SPCS3: variants seen among roughly 807,000 people sequenced by gnomAD.
SPCS3 encodes SPase 22 kDa subunit.
SPCS3 carries 9 observed loss-of-function variants against 17.2 expected under a neutral mutation model. The ratio of observed to expected loss-of-function variants is 0.52; its 90% CI spans 0.31 to 0.91. SPCS3 has a LOEUF of 0.91. Ranked by LOEUF, SPCS3 falls within the 40% of genes least tolerant of loss-of-function variation. The probability of loss-of-function intolerance (pLI) is 0.04; values close to 1 mark genes in which losing one functional copy is unlikely to be tolerated. For missense variants in SPCS3, 139 were observed against 217.5 expected (o/e 0.64, Z 2.27); for synonymous variants, 87 against 89.6 (o/e 0.97, Z 0.16).
intron 2 of SPCS3, 103 bp downstream of exon 2, chr4:176,322,346 C>A: frequency 1.3e-6 from 1 of 748,472 alleles, no homozygotes; most frequent in East Asian, 2.8e-5. Flanking sequence ...ATTGAATCAG[C>A]CAAACCTTGG....
rs898145615 is a variant in SPCS3, at chr4:176,329,858, A to G, written c.*1528A>G. 6.6e-5 allele frequency: 10 copies of G among 152,208 alleles called. No homozygotes were observed. Among genetic ancestry groups the G allele is most frequent in the Admixed American group, 2.0e-4 (3 of 15,284 alleles). The allele number at this position is 152,208 out of a possible 1,614,324, so 9.4% of individuals were successfully genotyped here. On this transcript the variant is annotated 3_prime_UTR_variant, in exon 5 of 5. Transcript: ENST00000503362. ...TAAATTACAGACATTTGTTATATTT[A>G]CCTTATGTGAAATACATCACTATTT...
chr4:176,324,558 GATGGGCACATGCCTTCTACA>G (rs1731579294), intron 3 of SPCS3, among the ~76,000 whole-genome samples: 1 of 152,218 alleles, frequency 6.6e-6, no homozygotes, highest in Non-Finnish European at 1.5e-5. Context: ...AAGTCAGATA[GATGGGCACATGCCTTCTACA>G]ATATGCAGAT....
In SPCS3 at chr4:176,329,270, T is replaced by A. The variant is rs1417374345; in HGVS notation, c.*940T>A. 6.6e-6 allele frequency: 1 copy of A among 152,162 alleles called. No homozygotes were observed. Among genetic ancestry groups the A allele is most frequent in the African/African-American group, 2.4e-5 (1 of 41,464 alleles). 9.4% of individuals were successfully genotyped at this position (152,162 alleles called of 1,614,324 possible). On this transcript the variant is annotated 3_prime_UTR_variant, in exon 5 of 5. Coordinates refer to ENST00000503362, the MANE Select transcript of SPCS3 (RefSeq NM_021928.4). ...GTGTATGTCATCCTCAATAATCTAA[T>A]GAGGTAAGTAGTATAAGTGTTAGCT... is the stretch of plus-strand genomic sequence containing the variant.
At chr4:176,327,555 G>A (rs2127002082) in intron 4 of SPCS3, among the ~76,000 whole-genome samples, 1 of 152,280 alleles carries the variant, frequency 6.6e-6, no homozygotes, top group Non-Finnish European at 1.5e-5. Flanking sequence ...GTAGGGCTGT[G>A]GTGGTCAAAT....
intron 2 of SPCS3, among the ~76,000 whole-genome samples, chr4:176,323,913 A>T (rs1731570410): frequency 6.6e-6 from 1 of 151,330 alleles, no homozygotes; most frequent in African/African-American, 2.4e-5. Flanking sequence ...TTTTCTTACT[A>T]GTCAAAGTAT....
chr4:176,320,331 G>A, intron 1 of SPCS3, 112 bp downstream of exon 1: 2 of 1,055,870 alleles, frequency 1.9e-6, no homozygotes, highest in Non-Finnish European at 2.4e-6. Context: ...AGGGCGTCCG[G>A]ATCGCCCTCC....
At position 176,330,412 on chromosome 4, in the gene SPCS3, G is replaced by C. The variant is rs571868647; in HGVS notation, c.*2082G>C. 2.6e-5 allele frequency: 4 copies of C among 152,280 alleles called. No homozygotes were observed. The highest frequency in any genetic ancestry group is 1.9e-4 in the East Asian group (1 of 5,190). The allele number at this position is 152,280 out of a possible 1,614,324, so 9.4% of individuals were successfully genotyped here. A position where few individuals can be genotyped will look rare whatever the true frequency, so the allele number is the denominator to read the frequency against. Reference sequence around the variant, plus strand: ...GTTCATGATACTTCTGTGATGAGTGGATCTGTTAGTCTGGTAGAGATTAAT... The same window carrying C: ...GTTCATGATACTTCTGTGATGAGTGCATCTGTTAGTCTGGTAGAGATTAAT... On this transcript the variant is annotated 3_prime_UTR_variant, in exon 5 of 5. Transcript: ENST00000503362.
Position 176,332,005 on chromosome 4 carries a change from G to A in SPCS3, c.*3675G>A, listed in dbSNP as rs1731694336. Reference sequence around the variant, plus strand: ...TTCAGATTTATGCTTTTTACGTGAAGCTGCTAAACTAAAAGTAAATGGAAG... The same window carrying A: ...TTCAGATTTATGCTTTTTACGTGAAACTGCTAAACTAAAAGTAAATGGAAG... On this transcript the variant is annotated 3_prime_UTR_variant, in exon 5 of 5. Transcript: ENST00000503362. 1 of 152,188 alleles carries A rather than the reference G, an allele frequency of 6.6e-6. No individual in the cohort carries two copies. The allele number at this position is 152,188 out of a possible 1,614,324, so 9.4% of individuals were successfully genotyped here.
rs189459848 is a variant in SPCS3, at chr4:176,328,237, C to T, written c.450C>T (p.Val150=). Residue 150 remains valine (V), a synonymous_variant, in exon 5 of 5, where the codon GTC becomes GTT. Transcript: ENST00000503362. ...RNVTLTLSWN[V]VPNAGILPLV... ...TCACTTTGACCCTGTCTTGGAACGT[C>T]GTACCAAATGCTGGAATTCTACCTC... The T allele has an allele frequency of 1.6e-5, 26 of 1,613,152 alleles. No individual in the cohort carries two copies. In the East Asian group the frequency reaches 3.3e-4, roughly 21 times the overall value.
intron 4 of SPCS3, among the ~76,000 whole-genome samples, chr4:176,327,894 C>G (rs540211475): frequency 2.6e-5 from 4 of 152,306 alleles, no homozygotes; most frequent in African/African-American, 7.2e-5. Context: ...TGATTCTTAG[C>G]TCGTCTCTTT....
chr4:176,322,464 A>G (rs778853929), intron 2 of SPCS3, among the ~76,000 whole-genome samples: 10 of 152,154 alleles, frequency 6.6e-5, no homozygotes, highest in Non-Finnish European at 1.2e-4. Context: ...TAAATTCTTA[A>G]CCGAAACATT....
At chr4:176,324,107 A>G in intron 2 of SPCS3, 74 bp from the exon 3 acceptor site, 1 of 772,010 alleles carries the variant, frequency 1.3e-6, no homozygotes, top group South Asian at 2.4e-5. Context: ...ATGGATAAAT[A>G]ACCTAAGAAT....
rs1731675552 is a variant in SPCS3 at position 176,330,760 on chromosome 4, C to G, written c.*2430C>G. ...CACAAAGCTTCAGGCTTATACAAAA[C>G]TGAGTATGATTAGAAATACCTGAGC... On this transcript the variant is annotated 3_prime_UTR_variant, in exon 5 of 5. Coordinates refer to ENST00000503362, the MANE Select transcript of SPCS3 (RefSeq NM_021928.4). The G allele has an allele frequency of 6.6e-6, 1 of 152,130 alleles. No individual in the cohort carries two copies. The highest frequency in any genetic ancestry group is 6.6e-5 in the Admixed American group (1 of 15,266). 9.4% of individuals were successfully genotyped at this position (152,130 alleles called of 1,614,324 possible). A position where few individuals can be genotyped will look rare whatever the true frequency, so the allele number is the denominator to read the frequency against.
intron 3 of SPCS3, among the ~76,000 whole-genome samples, chr4:176,325,916 T>A (rs71613789): frequency 0.093 from 14,110 of 152,150 alleles, 757 homozygotes; most frequent in Middle Eastern, 0.12. Context: ...TAACTTTCAA[T>A]CATAAACTAA....
intron 4 of SPCS3, among the ~76,000 whole-genome samples, chr4:176,327,747 T>C (rs533753826): frequency 1.8e-4 from 27 of 152,338 alleles, no homozygotes; most frequent in African/African-American, 5.5e-4. Flanking sequence ...GTGGTAAACA[T>C]TGGAAATAAT....
Position 176,324,427 on chromosome 4 carries a change from T to TTTG in SPCS3, c.294+185_294+187dup, listed in dbSNP as rs141906073. Among the ~76,000 whole-genome samples, 25 of 152,180 alleles carry TTTG rather than the reference T, an allele frequency of 1.6e-4. 2 individuals carry two copies. Among genetic ancestry groups the TTTG allele is most frequent in the Admixed American group, 1.3e-3 (20 of 15,290 alleles). On this transcript the variant is annotated intron_variant, in intron 3 of 4. Coordinates refer to ENST00000503362, the MANE Select transcript of SPCS3 (RefSeq NM_021928.4). ...AAACATTTGATCTTTTGGGAGCCTT[T>TTTG]TTGTTGTTGTTGTTGTTTGTTTGTT... is the stretch of plus-strand genomic sequence containing the variant.
In SPCS3 at chr4:176,320,035, T is replaced by G. The variant is rs1218984063; in HGVS notation, c.-42T>G. The G allele has an allele frequency of 2.7e-6, 4 of 1,467,830 alleles. No individual in the cohort carries two copies. Among genetic ancestry groups the G allele is most frequent in the Non-Finnish European group, 3.7e-6 (4 of 1,094,360 alleles). 90.9% of individuals were successfully genotyped at this position (1,467,830 alleles called of 1,614,324 possible). A position where few individuals can be genotyped will look rare whatever the true frequency, so the allele number is the denominator to read the frequency against. ...CCGGTCCGCCGCCGGAACGGGAGCC[T>G]GGGTGTGCGTGTGGAGTCCGGACTC... On this transcript the variant is annotated 5_prime_UTR_variant, in exon 1 of 5. Coordinates refer to ENST00000503362, the MANE Select transcript of SPCS3 (RefSeq NM_021928.4).
rs1448517819 is a variant in SPCS3 at position 176,330,008 on chromosome 4, G to T, written c.*1678G>T. The T allele has an allele frequency of 1.3e-5, 2 of 152,064 alleles. No individual in the cohort carries two copies. Among genetic ancestry groups the T allele is most frequent in the Non-Finnish European group, 2.9e-5 (2 of 68,002 alleles). 9.4% of individuals were successfully genotyped at this position (152,064 alleles called of 1,614,324 possible). A position where few individuals can be genotyped will look rare whatever the true frequency, so the allele number is the denominator to read the frequency against. On this transcript the variant is annotated 3_prime_UTR_variant, in exon 5 of 5. Transcript: ENST00000503362. ...TGAATGCTAAACTGCCTGGCTCCCA[G>T]CTTTTTCATTAAACTTTTCAGGGTC...
chr4:176,324,806 C>T (rs1165297229), intron 3 of SPCS3, among the ~76,000 whole-genome samples: 1 of 152,094 alleles, frequency 6.6e-6, no homozygotes, highest in Non-Finnish European at 1.5e-5. Flanking sequence ...ATAATCCATG[C>T]ATATGTAAAC....
Sources: allele counts gnomAD v4.1 joint callset (sites outside exome capture counted in the v4.1 genomes callset), GRCh38; gene constraint gnomAD v4.1.1; transcripts MANE v1.5; gene names NCBI Gene and HGNC (gene_info 2026-07-23, HGNC 2026-07-21).